KHDRBS3: variants seen among roughly 807,000 people sequenced by gnomAD.
KHDRBS3 encodes the protein KH RNA binding domain containing, signal transduction associated 3.
KHDRBS3 carries 23 observed loss-of-function variants against 45.6 expected under a neutral mutation model. The observed-to-expected ratio is 0.50, with a 90% confidence interval of 0.36 to 0.72. The LOEUF is 0.72. Ranked by LOEUF, KHDRBS3 falls within the 30% of genes least tolerant of loss-of-function variation. The pLI, the probability that KHDRBS3 is intolerant of heterozygous loss-of-function variation, is 0.00. For missense variants in KHDRBS3, 352 were observed against 424.8 expected (o/e 0.83, Z 1.51); for synonymous variants, 162 against 156.5 (o/e 1.04, Z -0.26).
At chr8:135,577,053 T>TA (rs1453043359) in intron 5 of KHDRBS3, among the ~76,000 whole-genome samples, 1 of 152,160 alleles carries the variant, frequency 6.6e-6, no homozygotes, top group African/African-American at 2.4e-5. Context: ...AACCTGTACT[T>TA]ACACTTCTTC....
At chr8:135,647,782 T>C (rs949470412), downstream of KHDRBS3, 2 of 152,244 alleles carry the variant, frequency 1.3e-5, no homozygotes, top group African/African-American at 4.8e-5. Context: ...TACCATTATA[T>C]ACTCACCATA....
chr8:135,497,534 G>A (rs1400485951), intron 1 of KHDRBS3, among the ~76,000 whole-genome samples: 2 of 152,072 alleles, frequency 1.3e-5, no homozygotes, highest in African/African-American at 2.4e-5. Flanking sequence ...TTACTAATAG[G>A]AAGCGACATA....
chr8:135,504,799 G>T (rs1046298749), intron 1 of KHDRBS3, among the ~76,000 whole-genome samples: 2 of 152,122 alleles, frequency 1.3e-5, no homozygotes, highest in Non-Finnish European at 2.9e-5. Context: ...TAGCCTCCAG[G>T]AATATTCATT....
chr8:135,562,733 T>G (rs1563770476), intron 5 of KHDRBS3, among the ~76,000 whole-genome samples: 9 of 152,206 alleles, frequency 5.9e-5, no homozygotes, highest in Admixed American at 5.2e-4. Context: ...GAATTGGTCT[T>G]GAAATTATAC....
chr8:135,617,687 A>C (rs567438345), intron 7 of KHDRBS3, among the ~76,000 whole-genome samples: 4 of 152,342 alleles, frequency 2.6e-5, no homozygotes, highest in African/African-American at 7.2e-5. Context: ...ATGTGAACCC[A>C]GGCAGTCTAA....
chr8:135,648,556 T>C (rs1407578876), downstream of KHDRBS3: 1 of 152,240 alleles, frequency 6.6e-6, no homozygotes, highest in Non-Finnish European at 1.5e-5. Context: ...TCAGCCATCT[T>C]GGAATGTCAC....
chr8:135,489,917 T>C, intron 1 of KHDRBS3, among the ~76,000 whole-genome samples: 1 of 152,186 alleles, frequency 6.6e-6, no homozygotes, highest in East Asian at 1.9e-4. Flanking sequence ...ACAAGCTCCA[T>C]TCATGGTAAG....
chr8:135,571,655 G>A (rs1230091445), intron 5 of KHDRBS3, among the ~76,000 whole-genome samples: 1 of 152,084 alleles, frequency 6.6e-6, no homozygotes, highest in Non-Finnish European at 1.5e-5. Flanking sequence ...AATCAGATGG[G>A]ATAGTGCTGG....
intron 1 of KHDRBS3, among the ~76,000 whole-genome samples, chr8:135,464,838 G>C (rs1161073834): frequency 4.6e-5 from 7 of 152,220 alleles, no homozygotes; most frequent in Admixed American, 1.3e-4. Flanking sequence ...AGTAACTGGT[G>C]AATCAGGATT....
chr8:135,630,440 G>A lies in KHDRBS3; in HGVS notation c.891-14619G>A, dbSNP rs147373257. ...CAAACCTACTTTTTTTTTCTGTTTT[G>A]TGAAATGGGGTAATATCTACCCACA... On this transcript the variant is annotated intron_variant, in intron 7 of 8. Transcript: ENST00000355849. Among the ~76,000 whole-genome samples the A allele has an allele frequency of 6.3e-4, 94 of 149,898 alleles. 1 individual carries two copies. Among genetic ancestry groups the A allele is most frequent in the African/African-American group, 2.2e-3 (91 of 40,700 alleles).
chr8:135,615,813 G>A (rs930049198), intron 7 of KHDRBS3, among the ~76,000 whole-genome samples: 4 of 152,170 alleles, frequency 2.6e-5, no homozygotes, highest in African/African-American at 4.8e-5. Flanking sequence ...CTGAATGGCT[G>A]GGGTTTGGTG....
intron 7 of KHDRBS3, among the ~76,000 whole-genome samples, chr8:135,633,549 T>A (rs1187260394): frequency 1.3e-5 from 2 of 152,234 alleles, no homozygotes; most frequent in African/African-American, 4.8e-5. Context: ...GTTCAGATTT[T>A]AATAGTCTCT....
chr8:135,513,390 T>C (rs542637838), intron 1 of KHDRBS3, among the ~76,000 whole-genome samples: 58 of 152,312 alleles, frequency 3.8e-4, no homozygotes, highest in African/African-American at 1.3e-3. Context: ...TATTAAATTA[T>C]TTAATCCTCA....
At chr8:135,465,286 G>A (rs188690104) in intron 1 of KHDRBS3, among the ~76,000 whole-genome samples, 193 of 152,198 alleles carry the variant, frequency 1.3e-3, no homozygotes, top group Non-Finnish European at 2.3e-3. Flanking sequence ...TGTTTTAGAC[G>A]TAAGTACAGT....
chr8:135,628,450 GA>G (rs1166167406), intron 7 of KHDRBS3, among the ~76,000 whole-genome samples: 2 of 152,110 alleles, frequency 1.3e-5, no homozygotes, highest in African/African-American at 4.8e-5. Context: ...TTAAATGGCA[GA>G]AAAATGTTGT....
chr8:135,591,988 G>A (rs1400581723), intron 6 of KHDRBS3, among the ~76,000 whole-genome samples: 1 of 152,116 alleles, frequency 6.6e-6, no homozygotes, highest in Admixed American at 6.6e-5. Flanking sequence ...TTATGAAAAT[G>A]CATTTTAAAT....
chr8:135,577,455 T>TTA (rs1554632850), intron 5 of KHDRBS3, among the ~76,000 whole-genome samples: 1 of 151,998 alleles, frequency 6.6e-6, no homozygotes, highest in East Asian at 1.9e-4. Flanking sequence ...ATTTTTTTTT[T>TTA]ATCATCTCTC....
At chr8:135,584,115 A>C (rs1180202158) in intron 6 of KHDRBS3, among the ~76,000 whole-genome samples, 1 of 152,210 alleles carries the variant, frequency 6.6e-6, no homozygotes, top group African/African-American at 2.4e-5. Flanking sequence ...TAAAGGAAAA[A>C]GTCAACCTTC....
chr8:135,509,190 A>G (rs1824154062), intron 1 of KHDRBS3, among the ~76,000 whole-genome samples: 1 of 152,198 alleles, frequency 6.6e-6, no homozygotes, highest in Admixed American at 6.5e-5. Context: ...AGAATTCCAT[A>G]TATTTGTTGG....
Sources: gnomAD v4.1 joint callset for allele counts (sites outside exome capture counted in the v4.1 genomes callset) on GRCh38, gnomAD v4.1.1 for gene constraint, MANE v1.5 for transcripts, NCBI Gene and HGNC (gene_info 2026-07-23, HGNC 2026-07-21) for gene names.